Variants in MEIS1 observed in about 807,000 individuals in gnomAD.
The protein encoded by MEIS1 is Meis homeobox 1, also known as homeobox protein Meis1.
In MEIS1, 5 loss-of-function variants were observed where a neutral mutation model predicts 50.8. That is an observed-to-expected ratio of 0.10 (90% CI 0.05 to 0.21). The LOEUF is 0.21. MEIS1 is among the 10% of genes least tolerant of loss of function. The pLI, the probability that MEIS1 is intolerant of heterozygous loss-of-function variation, is 1.00. For synonymous variants in MEIS1, 176 were observed against 179.3 expected, an observed-to-expected ratio of 0.98 and a Z score of 0.15; for missense variants, 318 against 517.3, an observed-to-expected ratio of 0.61 and a Z score of 3.74.
At chr2:66,530,458 T>C (rs1674362443) in intron 8 of MEIS1, among the ~76,000 whole-genome samples, 1 of 151,792 alleles carries the variant, frequency 6.6e-6, no homozygotes, top group African/African-American at 2.4e-5. Flanking sequence ...CTCACGCCTG[T>C]AATCCCAGCA....
At chr2:66,436,911 T>C (rs1401951146) in intron 1 of MEIS1, 1 of 984,632 alleles carries the variant, frequency 1.0e-6, no homozygotes, top group Non-Finnish European at 1.2e-6. Context: ...GATGGAAAGT[T>C]GTGCATTTGC....
intron 9 of MEIS1, 81 bp downstream of exon 9, chr2:66,548,100 C>G: frequency 7.2e-7 from 1 of 1,381,612 alleles, no homozygotes; most frequent in Non-Finnish European, 1.0e-6. Flanking sequence ...ATTAAGAAGA[C>G]ACACCCAGTT....
At chr2:66,443,411 C>G (rs1026726938) in intron 6 of MEIS1, 1 of 223,720 alleles carries the variant, frequency 4.5e-6, no homozygotes, top group African/African-American at 2.3e-5. Flanking sequence ...CTTCTATCTT[C>G]AAGAAAAGAC....
chr2:66,541,691 C>T (rs1470651362), intron 8 of MEIS1, among the ~76,000 whole-genome samples: 3 of 152,292 alleles, frequency 2.0e-5, no homozygotes, highest in South Asian at 2.1e-4. Context: ...ATTAAGAAAG[C>T]GGATGGAAAT....
rs1672313981 is a variant in MEIS1, at chr2:66,453,207, G to A, written c.630+10159G>A. On this transcript the variant is annotated intron_variant, in intron 6 of 12. Coordinates refer to ENST00000272369, the MANE Select transcript of MEIS1 (RefSeq NM_002398.3). ...TAAAGAACATGCCAATAGAAAAATA[G>A]GAGAACAAAACATTGACAAATCAAT... 2.0e-5 allele frequency among the ~76,000 whole-genome samples: 3 copies of A among 152,020 alleles called. No homozygotes were observed. The South Asian group carries it at 6.2e-4, about 32-fold the overall frequency.
chr2:66,533,087 A>C (rs182203825), intron 8 of MEIS1, among the ~76,000 whole-genome samples: 6 of 152,280 alleles, frequency 3.9e-5, no homozygotes, highest in Admixed American at 3.9e-4. Context: ...GTTGGCATGC[A>C]AGGGCGAGTT....
intron 8 of MEIS1, among the ~76,000 whole-genome samples, chr2:66,547,112 G>T (rs376312991): frequency 2.0e-5 from 3 of 152,134 alleles, no homozygotes; most frequent in African/African-American, 7.2e-5. Flanking sequence ...CCTCCCCTAA[G>T]CTTTAGAAAT....
chr2:66,568,857 A>G (rs1300714172), intron 11 of MEIS1, 101 bp downstream of exon 11: 1 of 1,222,046 alleles, frequency 8.2e-7, no homozygotes, highest in Admixed American at 1.7e-5. Flanking sequence ...TGTTATCTCA[A>G]GCTGGCTGCC....
chr2:66,445,685 G>C (rs1672115704), intron 6 of MEIS1, among the ~76,000 whole-genome samples: 1 of 152,096 alleles, frequency 6.6e-6, no homozygotes, highest in African/African-American at 2.4e-5. Flanking sequence ...TGTTTTCCTC[G>C]GAGGGCGCGA....
At chr2:66,544,121 T>G (rs773296542) in intron 8 of MEIS1, among the ~76,000 whole-genome samples, 7 of 152,196 alleles carry the variant, frequency 4.6e-5, no homozygotes, top group Non-Finnish European at 1.0e-4. Context: ...TCTCGGAGAT[T>G]ACTCTTTATC....
chr2:66,536,343 A>G (rs563344589), intron 8 of MEIS1, among the ~76,000 whole-genome samples: 1 of 152,322 alleles, frequency 6.6e-6, no homozygotes, highest in South Asian at 2.1e-4. Context: ...CCCAAACATT[A>G]TGTTCACCAG....
At chr2:66,439,349 G>A (rs1013850989) in intron 2 of MEIS1, 24 of 1,207,742 alleles carry the variant, frequency 2.0e-5, no homozygotes, top group South Asian at 3.6e-5. Context: ...GGCCATGGAC[G>A]TCCTTTCCCC....
intron 9 of MEIS1, among the ~76,000 whole-genome samples, chr2:66,563,694 G>A (rs1245960825): frequency 6.6e-6 from 1 of 152,160 alleles, no homozygotes. Context: ...TAAACAGATA[G>A]AGGGATGGGG....
intron 9 of MEIS1, chr2:66,561,976 A>G (rs1043129371): frequency 6.7e-6 from 1 of 150,350 alleles, no homozygotes; most frequent in African/African-American, 2.4e-5. Context: ...AGAGTGGTAA[A>G]CACTGAGGAA....
chr2:66,500,241 C>A (rs2103827678), intron 7 of MEIS1, among the ~76,000 whole-genome samples: 1 of 152,196 alleles, frequency 6.6e-6, no homozygotes, highest in East Asian at 1.9e-4. Context: ...ATGTTATAAT[C>A]AACTTGGAGC....
At chr2:66,467,711 T>A (rs889883953) in intron 7 of MEIS1, among the ~76,000 whole-genome samples, 1 of 152,212 alleles carries the variant, frequency 6.6e-6, no homozygotes, top group Non-Finnish European at 1.5e-5. Context: ...TTATTCGCGA[T>A]TTACACAATA....
chr2:66,484,791 C>T (rs1046978372), intron 7 of MEIS1, among the ~76,000 whole-genome samples: 1 of 152,204 alleles, frequency 6.6e-6, no homozygotes, highest in South Asian at 2.1e-4. Flanking sequence ...AACTCCTGAC[C>T]TCTGGTGATC....
chr2:66,538,889 T>G (rs78227701), intron 8 of MEIS1, among the ~76,000 whole-genome samples: 6 of 151,630 alleles, frequency 4.0e-5, no homozygotes, highest in East Asian at 3.9e-4. Flanking sequence ...TTTTTTTTTT[T>G]TTTTGTTTGT....
At chr2:66,539,757 T>A (rs1250936809) in intron 8 of MEIS1, among the ~76,000 whole-genome samples, 6 of 152,316 alleles carry the variant, frequency 3.9e-5, no homozygotes, top group African/African-American at 1.4e-4. Context: ...TTAATAAAGT[T>A]CCTTTGGCTG....
Sources: gnomAD v4.1 joint callset for allele counts (sites outside exome capture counted in the v4.1 genomes callset) on GRCh38, gnomAD v4.1.1 for gene constraint, MANE v1.5 for transcripts, NCBI Gene and HGNC (gene_info 2026-07-23, HGNC 2026-07-21) for gene names.